CTNNA2: variants seen among roughly 807,000 people sequenced by gnomAD.
The protein encoded by CTNNA2 is catenin alpha-2.
CTNNA2 carries 42 observed loss-of-function variants against 101.0 expected under a neutral mutation model. That is an observed-to-expected ratio of 0.42 (90% CI 0.32 to 0.54). CTNNA2 has a LOEUF of 0.54. CTNNA2 is among the 20% of genes least tolerant of loss of function. The pLI is 0.14. For missense variants in CTNNA2, 871 were observed against 1,223.1 expected, an observed-to-expected ratio of 0.71 and a Z score of 4.29; for synonymous variants, 450 against 456.4, an observed-to-expected ratio of 0.99 and a Z score of 0.18.
chr2:79,952,538 T>TA (rs1265762075), intron 7 of CTNNA2, among the ~76,000 whole-genome samples: 3 of 152,246 alleles, frequency 2.0e-5, no homozygotes, highest in Admixed American at 6.5e-5. Context: ...AGAGTTGTTA[T>TA]AAAAAATGAG....
intron 9 of CTNNA2, among the ~76,000 whole-genome samples, chr2:80,420,292 A>T (rs1313802920): frequency 6.6e-6 from 1 of 152,110 alleles, no homozygotes; most frequent in East Asian, 1.9e-4. Context: ...CAAAGGTAGG[A>T]TTAGTGATGT....
intron 7 of CTNNA2, among the ~76,000 whole-genome samples, chr2:80,031,076 C>A (rs753530233): frequency 6.6e-6 from 1 of 152,088 alleles, no homozygotes; most frequent in East Asian, 1.9e-4. Flanking sequence ...ATGTGCATAT[C>A]TTTTGACCCA....
intron 3 of CTNNA2, among the ~76,000 whole-genome samples, chr2:79,334,413 T>C (rs1320008578): frequency 6.6e-6 from 1 of 151,976 alleles, no homozygotes; most frequent in East Asian, 1.9e-4. Flanking sequence ...ACAGAAGTTG[T>C]AAAGGACATA....
chr2:80,325,299 A>G (rs1679141491), intron 7 of CTNNA2, among the ~76,000 whole-genome samples: 1 of 152,200 alleles, frequency 6.6e-6, no homozygotes, highest in Non-Finnish European at 1.5e-5. Flanking sequence ...ATTTATAGCT[A>G]TGGAAAGAAG....
chr2:80,043,093 T>C (rs57131060), intron 7 of CTNNA2, among the ~76,000 whole-genome samples: 30 of 32,742 alleles, frequency 9.2e-4, no homozygotes, highest in East Asian at 7.0e-3. Context: ...CTTTCTTTCT[T>C]TCTCTCTCTC....
chr2:79,958,397 A>T (rs1239384474), intron 7 of CTNNA2, among the ~76,000 whole-genome samples: 2 of 152,130 alleles, frequency 1.3e-5, no homozygotes, highest in African/African-American at 4.8e-5. Flanking sequence ...ACTGTCCTGG[A>T]TTGTTCGAGT....
rs1349911278 is a variant in CTNNA2, at chr2:79,982,224, A to ATATC, written c.1056+72430_1056+72431insCTAT. ...TATATATATATATATATATATATAT[A>ATATC]TATATATATATATATATGTATGTAT... is the stretch of plus-strand genomic sequence containing the variant. On this transcript the variant is annotated intron_variant, in intron 7 of 18. Transcript: ENST00000402739. Among the ~76,000 whole-genome samples, 72 of 60,856 alleles carry ATATC rather than the reference A, an allele frequency of 1.2e-3. 1 individual carries two copies. Among genetic ancestry groups the ATATC allele is most frequent in the African/African-American group, 3.9e-3 (72 of 18,242 alleles). 39.9% of individuals were successfully genotyped at this position (60,856 alleles called of 152,430 possible). A position where few individuals can be genotyped will look rare whatever the true frequency, so the allele number is the denominator to read the frequency against.
rs115318354 is a variant in CTNNA2, at chr2:80,111,473, C to T, written c.1056+201676C>T. On this transcript the variant is annotated intron_variant, in intron 7 of 18. Transcript: ENST00000402739. ...CAGTCACTTCAGCTCTCCACATTTA[C>T]TTATATATAGAATGTGGAAAATAAT... Among the ~76,000 whole-genome samples, 492 of 152,310 alleles carry T rather than the reference C, an allele frequency of 3.2e-3. 2 individuals are homozygous for T. The highest frequency in any genetic ancestry group is 0.011 in the African/African-American group (456 of 41,578).
intron 11 of CTNNA2, among the ~76,000 whole-genome samples, chr2:80,553,097 G>A (rs1692720858): frequency 6.6e-6 from 1 of 150,892 alleles, no homozygotes; most frequent in African/African-American, 2.4e-5. Flanking sequence ...GATGGTGCAT[G>A]CCTGTAATCC....
intron 7 of CTNNA2, among the ~76,000 whole-genome samples, chr2:80,108,167 G>C (rs889036703): frequency 6.6e-6 from 1 of 152,208 alleles, no homozygotes; most frequent in Non-Finnish European, 1.5e-5. Context: ...GAAACATCTA[G>C]TAGTGGAATA....
intron 7 of CTNNA2, among the ~76,000 whole-genome samples, chr2:80,219,123 C>A (rs926044411): frequency 7.2e-5 from 11 of 152,170 alleles, no homozygotes; most frequent in Non-Finnish European, 1.3e-4. Flanking sequence ...CAGGATTGAA[C>A]CTTGACTGAC....
intron 4 of CTNNA2, among the ~76,000 whole-genome samples, chr2:79,481,941 A>C (rs1192774666): frequency 6.6e-6 from 1 of 152,164 alleles, no homozygotes; most frequent in African/African-American, 2.4e-5. Context: ...GGCCACATAC[A>C]TGTTACTCAG....
chr2:80,096,181 C>A (rs1311731309), intron 7 of CTNNA2, among the ~76,000 whole-genome samples: 8 of 152,040 alleles, frequency 5.3e-5, no homozygotes, highest in African/African-American at 9.7e-5. Flanking sequence ...TTGAATGTGT[C>A]CCAGAGATTC....
intron 7 of CTNNA2, among the ~76,000 whole-genome samples, chr2:80,093,467 G>A (rs1407816800): frequency 9.2e-5 from 14 of 152,110 alleles, no homozygotes; most frequent in African/African-American, 3.4e-4. Context: ...ATAAACATAC[G>A]TGTGTATGTG....
chr2:80,596,624 T>A (rs1697008364), intron 15 of CTNNA2, among the ~76,000 whole-genome samples: 1 of 151,998 alleles, frequency 6.6e-6, no homozygotes, highest in Non-Finnish European at 1.5e-5. Flanking sequence ...CAAGGGGTTT[T>A]TCTAAGTACA....
chr2:80,346,517 T>C (rs1389079994), intron 7 of CTNNA2, among the ~76,000 whole-genome samples: 5 of 152,138 alleles, frequency 3.3e-5, no homozygotes, highest in Admixed American at 6.6e-5. Flanking sequence ...CCCTCCAACA[T>C]TGGGGATTAC....
chr2:80,563,520 C>T (rs534994930), intron 12 of CTNNA2, among the ~76,000 whole-genome samples: 3 of 152,262 alleles, frequency 2.0e-5, no homozygotes, highest in East Asian at 3.9e-4. Flanking sequence ...CCAGAGTAGT[C>T]TCCAGATGAC....
intron 7 of CTNNA2, among the ~76,000 whole-genome samples, chr2:80,351,378 C>A (rs537361917): frequency 6.6e-6 from 1 of 152,228 alleles, no homozygotes; most frequent in East Asian, 1.9e-4. Context: ...TTATTATTCC[C>A]TGCTGTGTCT....
intron 9 of CTNNA2, among the ~76,000 whole-genome samples, chr2:80,506,129 C>A (rs1377956577): frequency 6.6e-6 from 1 of 152,144 alleles, no homozygotes; most frequent in Non-Finnish European, 1.5e-5. Context: ...GAGCTATTTT[C>A]TGAGGAAGTT....
Sources: gnomAD v4.1 joint callset for allele counts (sites outside exome capture counted in the v4.1 genomes callset) on GRCh38, gnomAD v4.1.1 for gene constraint, MANE v1.5 for transcripts, NCBI Gene and HGNC (gene_info 2026-07-23, HGNC 2026-07-21) for gene names.